The following FAM135A variants were observed in gnomAD, a reference collection of about 807,000 sequenced individuals.
FAM135A encodes family with sequence similarity 135 member A, also known as protein FAM135A.
FAM135A carries 79 observed loss-of-function variants against 146.8 expected under a neutral mutation model. The observed-to-expected ratio is 0.54, with a 90% CI of 0.45 to 0.65. FAM135A has a LOEUF of 0.65. Ranked by LOEUF, FAM135A falls within the 30% of genes least tolerant of loss-of-function variation. The pLI is 0.00. For synonymous variants in FAM135A, 562 were observed against 603.6 expected, an observed-to-expected ratio of 0.93 and a Z score of 1.01; for missense variants, 1,623 against 1,758.2, an observed-to-expected ratio of 0.92 and a Z score of 1.38.
At chr6:70,511,357 G>A (rs1249629225) in intron 12 of FAM135A, among the ~76,000 whole-genome samples, 1 of 151,862 alleles carries the variant, frequency 6.6e-6, no homozygotes, top group South Asian at 2.1e-4. Flanking sequence ...AGCAGTTATC[G>A]TCATGATAAA....
chr6:70,498,356 C>G (rs1787780702), intron 11 of FAM135A, among the ~76,000 whole-genome samples: 2 of 151,734 alleles, frequency 1.3e-5, no homozygotes, highest in African/African-American at 4.8e-5. Flanking sequence ...CTATTTGATT[C>G]TTCTCTCTTT....
chr6:70,475,711 C>T lies in FAM135A; in HGVS notation c.346C>T (p.His116Tyr), dbSNP rs1043263811. ...GAATTTTCTATTATCCTTGGATCTA[C>T]ACTTCACAGATGGAGATTATTCGTA... ...EMNFLLSLDL[H>Y]FTDGDYSADD... Residue 116 changes from histidine to tyrosine, a missense_variant, in exon 7 of 22, where the codon CAC becomes TAC. His to Tyr is a moderately conservative substitution (Grantham distance 83). Transcript: ENST00000418814. 4 of 1,610,412 alleles carry T rather than the reference C, an allele frequency of 2.5e-6. No homozygotes were observed. Among genetic ancestry groups the T allele is most frequent in the Non-Finnish European group, 2.5e-6 (3 of 1,178,112 alleles).
intron 12 of FAM135A, among the ~76,000 whole-genome samples, chr6:70,507,801 G>A (rs1790122800): frequency 6.6e-6 from 1 of 151,996 alleles, no homozygotes; most frequent in Admixed American, 6.6e-5. Flanking sequence ...TTTATGATAA[G>A]TGAATAATGT....
At chr6:70,531,656 T>C (rs1253579012) in intron 16 of FAM135A, among the ~76,000 whole-genome samples, 1 of 152,220 alleles carries the variant, frequency 6.6e-6, no homozygotes, top group Non-Finnish European at 1.5e-5. Context: ...CAAATTGATG[T>C]GGGTGGTTTA....
At chr6:70,524,249 G>A in intron 14 of FAM135A, 94 bp from the exon 15 acceptor site, 1 of 1,387,178 alleles carries the variant, frequency 7.2e-7, no homozygotes, top group Non-Finnish European at 9.6e-7. Context: ...TTATGTTTGA[G>A]GATATTAGAA....
rs749224479 is a variant in FAM135A, at chr6:70,526,750, TAC to T, written c.3614+66_3614+67del. 8.6e-3 allele frequency: 7,154 copies of T among 830,864 alleles called. 206 individuals carry two copies. Among genetic ancestry groups the T allele is most frequent in the African/African-American group, 0.085 (4,105 of 48,016 alleles). 51.5% of individuals were successfully genotyped at this position (830,864 alleles called of 1,614,324 possible). On this transcript the variant is annotated intron_variant, in intron 15 of 21. Coordinates refer to ENST00000418814, the MANE Select transcript of FAM135A (RefSeq NM_001162529.3). ...GCTGCTAAATATATACATATATATA[TAC>T]ACACACACACACATACACACACACA...
chr6:70,503,005 A>G, intron 12 of FAM135A: 1 of 392,964 alleles, frequency 2.5e-6, no homozygotes, highest in Non-Finnish European at 4.4e-6. Flanking sequence ...CCTGCTGCTA[A>G]GAAAAACCAC....
At chr6:70,454,336 A>G (rs557811935) in intron 5 of FAM135A, among the ~76,000 whole-genome samples, 35 of 152,178 alleles carry the variant, frequency 2.3e-4, no homozygotes, top group Non-Finnish European at 4.8e-4. Context: ...GATTGCAAGA[A>G]TATTCTCCCA....
intron 4 of FAM135A, among the ~76,000 whole-genome samples, chr6:70,432,877 TTAA>T (rs1771997878): frequency 6.6e-6 from 1 of 151,914 alleles, no homozygotes; most frequent in African/African-American, 2.4e-5. Context: ...AGATGATAAC[TTAA>T]TAAGAAAAAT....
At chr6:70,449,775 C>A (rs1237829046) in intron 4 of FAM135A, among the ~76,000 whole-genome samples, 1 of 152,028 alleles carries the variant, frequency 6.6e-6, no homozygotes, top group African/African-American at 2.4e-5. Context: ...TAAATATATA[C>A]CCAGTAGTGG....
At chr6:70,441,001 A>C (rs1194134841) in intron 4 of FAM135A, among the ~76,000 whole-genome samples, 2 of 152,224 alleles carry the variant, frequency 1.3e-5, no homozygotes, top group Non-Finnish European at 2.9e-5. Context: ...ACTTGTATTC[A>C]GAATATTTTG....
At chr6:70,501,541 T>C (rs1367517076) in intron 11 of FAM135A, among the ~76,000 whole-genome samples, 1 of 152,180 alleles carries the variant, frequency 6.6e-6, no homozygotes, top group South Asian at 2.1e-4. Context: ...CACTGGGTTA[T>C]GAAAAAAACT....
chr6:70,468,519 G>C (rs1168288735), intron 5 of FAM135A, among the ~76,000 whole-genome samples: 1 of 152,272 alleles, frequency 6.6e-6, no homozygotes, highest in East Asian at 1.9e-4. Context: ...TGAATACAAG[G>C]GAAACTAACA....
At chr6:70,424,431 T>A (rs1232734202) in intron 2 of FAM135A, among the ~76,000 whole-genome samples, 1 of 152,248 alleles carries the variant, frequency 6.6e-6, no homozygotes, top group Non-Finnish European at 1.5e-5. Context: ...TAAGCCTGCC[T>A]TATTTATTTC....
intron 4 of FAM135A, 69 bp downstream of exon 4, chr6:70,428,488 A>C (rs1040565973): frequency 1.8e-5 from 19 of 1,039,292 alleles, no homozygotes; most frequent in Admixed American, 5.2e-5. Flanking sequence ...ATTTAATTAC[A>C]TATTTTTATT....
intron 4 of FAM135A, among the ~76,000 whole-genome samples, chr6:70,442,890 A>G (rs1774880519): frequency 6.6e-6 from 1 of 152,208 alleles, no homozygotes; most frequent in African/African-American, 2.4e-5. Flanking sequence ...ACCATTGTAT[A>G]GTTGTACCAT....
intron 2 of FAM135A, among the ~76,000 whole-genome samples, chr6:70,425,152 T>C (rs1769777815): frequency 6.6e-6 from 1 of 150,650 alleles, no homozygotes; most frequent in Non-Finnish European, 1.5e-5. Flanking sequence ...GTATACCTCT[T>C]TCTGATGGCT....
chr6:70,435,100 TA>T (rs58239486), intron 4 of FAM135A, among the ~76,000 whole-genome samples: 39 of 124,142 alleles, frequency 3.1e-4, no homozygotes, highest in African/African-American at 7.2e-4. Context: ...TATATATATA[TA>T]TATATATATT....
At chr6:70,478,395 A>G (rs188067303) in intron 8 of FAM135A, among the ~76,000 whole-genome samples, 25 of 152,276 alleles carry the variant, frequency 1.6e-4, no homozygotes, top group African/African-American at 6.0e-4. Context: ...TAAACTATCT[A>G]CAATTTCTGA....
Sources: allele counts gnomAD v4.1 joint callset (sites outside exome capture counted in the v4.1 genomes callset), GRCh38; gene constraint gnomAD v4.1.1; transcripts MANE v1.5; gene names NCBI Gene and HGNC (gene_info 2026-07-23, HGNC 2026-07-21).